The following COL24A1 variants were observed in gnomAD, a reference collection of about 807,000 sequenced individuals.
COL24A1 encodes the protein collagen type XXIV alpha 1 chain, also known as collagen alpha-1(XXIV) chain.
In COL24A1, 224 loss-of-function variants were observed where a neutral mutation model predicts 253.9. The observed-to-expected ratio is 0.88, with a 90% CI of 0.79 to 0.99. COL24A1 has a LOEUF of 0.99. COL24A1 is among the 50% of genes least tolerant of loss of function. COL24A1 has a pLI of 0.00. For missense variants in COL24A1, 2,131 were observed against 2,068.5 expected (o/e 1.03, Z -0.59); for synonymous variants, 685 against 673.7 (o/e 1.02, Z -0.26).
At chr1:85,823,611 A>G in intron 44 of COL24A1, 22 bp from the exon 45 acceptor site, 1 of 1,613,962 alleles carries the variant, frequency 6.2e-7, no homozygotes, top group Admixed American at 1.7e-5. Context: ...ACCAAAATAA[A>G]AATCACATAT....
intron 24 of COL24A1, among the ~76,000 whole-genome samples, chr1:85,946,139 G>A (rs1377621585): frequency 1.3e-5 from 2 of 152,130 alleles, no homozygotes; most frequent in African/African-American, 4.8e-5. Context: ...ATAGCCAGAG[G>A]GTAGCTATGT....
intron 6 of COL24A1, 143 bp from the exon 7 acceptor site, chr1:86,089,370 G>C: frequency 1.4e-6 from 1 of 704,482 alleles, no homozygotes; most frequent in Non-Finnish European, 2.4e-6. Context: ...GCCTGTTTCT[G>C]AGGCTTCCTG....
At chr1:85,776,388 A>C (rs2101461442) in intron 52 of COL24A1, among the ~76,000 whole-genome samples, 1 of 152,184 alleles carries the variant, frequency 6.6e-6, no homozygotes, top group South Asian at 2.1e-4. Flanking sequence ...TTCCATATGC[A>C]CTTGAAACGA....
chr1:86,012,600 T>C (rs1411544883), intron 19 of COL24A1, among the ~76,000 whole-genome samples: 1 of 139,000 alleles, frequency 7.2e-6, no homozygotes, highest in African/African-American at 2.8e-5. Flanking sequence ...AAAAATAAAA[T>C]AAAATAGAAA....
chr1:85,835,718 A>G (rs1675923866), intron 43 of COL24A1, among the ~76,000 whole-genome samples: 1 of 152,196 alleles, frequency 6.6e-6, no homozygotes, highest in African/African-American at 2.4e-5. Flanking sequence ...AGAGACAAAA[A>G]GAAAAAGGTT....
intron 7 of COL24A1, among the ~76,000 whole-genome samples, chr1:86,070,245 G>C (rs1016029235): frequency 6.6e-6 from 1 of 152,208 alleles, no homozygotes; most frequent in African/African-American, 2.4e-5. Context: ...GAAAGACTTA[G>C]TGAGCTTGAA....
chr1:86,093,003 C>A (rs1019709615), intron 5 of COL24A1, among the ~76,000 whole-genome samples: 3 of 151,914 alleles, frequency 2.0e-5, no homozygotes, highest in Non-Finnish European at 4.4e-5. Flanking sequence ...TGTCATATCT[C>A]AAAATATAGG....
chr1:86,012,317 C>T (rs745964359), intron 19 of COL24A1, among the ~76,000 whole-genome samples: 20 of 152,008 alleles, frequency 1.3e-4, no homozygotes, highest in Non-Finnish European at 1.8e-4. Flanking sequence ...TGGCCAGGTG[C>T]GGTGGCTCAC....
chr1:85,769,700 A>G (rs1175375553), intron 53 of COL24A1, among the ~76,000 whole-genome samples: 1 of 152,132 alleles, frequency 6.6e-6, no homozygotes, highest in Non-Finnish European at 1.5e-5. Context: ...ACCATCCCAG[A>G]TATTTCAACT....
At chr1:85,769,157 A>G (rs1667694630) in intron 53 of COL24A1, among the ~76,000 whole-genome samples, 1 of 152,214 alleles carries the variant, frequency 6.6e-6, no homozygotes, top group Admixed American at 6.5e-5. Flanking sequence ...ATTTACCAAT[A>G]ATTCATTAAA....
intron 5 of COL24A1, 36 bp from the exon 6 acceptor site, chr1:86,092,356 T>G: frequency 6.8e-7 from 1 of 1,466,038 alleles, no homozygotes; most frequent in Non-Finnish European, 9.5e-7. Context: ...TGGTGAAGCA[T>G]AAGTTGCATA....
intron 52 of COL24A1, among the ~76,000 whole-genome samples, chr1:85,779,012 T>C (rs553733061): frequency 6.6e-6 from 1 of 152,230 alleles, no homozygotes; most frequent in Non-Finnish European, 1.5e-5. Flanking sequence ...TCTTCTTTTT[T>C]CCTTTTTTAA....
chr1:86,044,225 T>C (rs1392205723), intron 12 of COL24A1, among the ~76,000 whole-genome samples: 2 of 152,180 alleles, frequency 1.3e-5, no homozygotes, highest in African/African-American at 2.4e-5. Context: ...TGGTGCATAA[T>C]ACCTTTTGAA....
intron 5 of COL24A1, among the ~76,000 whole-genome samples, chr1:86,110,714 C>T (rs1190840551): frequency 6.6e-6 from 1 of 152,128 alleles, no homozygotes; most frequent in South Asian, 2.1e-4. Flanking sequence ...TGCGCTGGGT[C>T]CCGCAGCACT....
chr1:85,852,201 T>G (rs1677855672), intron 37 of COL24A1, among the ~76,000 whole-genome samples: 1 of 152,204 alleles, frequency 6.6e-6, no homozygotes. Context: ...AATTGTTCAT[T>G]TCCTTATAGA....
Position 85,877,194 on chromosome 1 carries a change from T to A in COL24A1, c.2977-19A>T. On this transcript the variant is annotated intron_variant, in intron 32 of 59. Coordinates refer to ENST00000370571, the MANE Select transcript of COL24A1 (RefSeq NM_152890.7). Reference sequence around the variant, plus strand: ...GCAGTCCCTATATTAAAATAAAATTTAAGATATGAGAATAAAAGTTTACTC... The same window carrying A: ...GCAGTCCCTATATTAAAATAAAATTAAAGATATGAGAATAAAAGTTTACTC... 1 of 1,569,810 alleles carries A rather than the reference T, an allele frequency of 6.4e-7. No homozygotes were observed.
At chr1:85,994,859 T>A (rs529490271) in intron 19 of COL24A1, among the ~76,000 whole-genome samples, 113 of 152,304 alleles carry the variant, frequency 7.4e-4, no homozygotes, top group African/African-American at 2.6e-3. Flanking sequence ...ATAATCCATC[T>A]AGGTATCTGC....
intron 57 of COL24A1, among the ~76,000 whole-genome samples, chr1:85,740,822 T>C (rs1664532004): frequency 1.4e-5 from 2 of 145,216 alleles, no homozygotes; most frequent in African/African-American, 5.0e-5. Context: ...AGAAGAATTA[T>C]CCTAAGGCCG....
intron 12 of COL24A1, among the ~76,000 whole-genome samples, chr1:86,041,448 G>T (rs2101607742): frequency 6.6e-6 from 1 of 152,106 alleles, no homozygotes; most frequent in Middle Eastern, 3.4e-3. Flanking sequence ...AATTTGCATG[G>T]CTAACTTGGT....
Sources: allele counts gnomAD v4.1 joint callset (sites outside exome capture counted in the v4.1 genomes callset), GRCh38; gene constraint gnomAD v4.1.1; transcripts MANE v1.5; gene names NCBI Gene and HGNC (gene_info 2026-07-23, HGNC 2026-07-21).